Variants in KLHL20 observed in about 807,000 individuals in gnomAD.
KLHL20 encodes the protein kelch like family member 20.
A neutral mutation model predicts 69.5 loss-of-function variants in KLHL20; 29 were observed. That is an observed-to-expected ratio of 0.42 (90% CI 0.31 to 0.57). The LOEUF is 0.57. KLHL20 is among the 20% of genes least tolerant of loss of function. KLHL20 has a pLI of 0.18. For missense variants in KLHL20, 419 were observed against 776.0 expected (o/e 0.54, Z 5.47); for synonymous variants, 253 against 265.2 (o/e 0.95, Z 0.45).
chr1:173,749,277 G>C (rs931940790), intron 3 of KLHL20, among the ~76,000 whole-genome samples: 1 of 152,132 alleles, frequency 6.6e-6, no homozygotes, highest in Non-Finnish European at 1.5e-5. Flanking sequence ...CCATATACTT[G>C]TTAGAACAAT....
chr1:173,715,738 TTGAAGA>T (rs1671437740), intron 1 of KLHL20: 1 of 355,374 alleles, frequency 2.8e-6, no homozygotes, highest in Non-Finnish European at 5.1e-6. Context: ...CAAGCACTTT[TTGAAGA>T]GAAACAAGAC....
intron 11 of KLHL20, among the ~76,000 whole-genome samples, chr1:173,783,090 A>G (rs149948192): frequency 1.1e-4 from 16 of 152,330 alleles, no homozygotes; most frequent in African/African-American, 3.8e-4. Context: ...TAACAATACT[A>G]TGGGTTTGAT....
At chr1:173,718,712 C>A (rs1671577572) in intron 2 of KLHL20, among the ~76,000 whole-genome samples, 1 of 151,958 alleles carries the variant, frequency 6.6e-6, no homozygotes, top group African/African-American at 2.4e-5. Context: ...CAGAGAGAGA[C>A]CCCATCTCTT....
intron 11 of KLHL20, 88 bp from the exon 12 acceptor site, chr1:173,785,075 G>A: frequency 1.0e-6 from 1 of 984,822 alleles, no homozygotes; most frequent in South Asian, 1.5e-5. Context: ...ATAGAAACGT[G>A]TTAATAACAT....
chr1:173,760,624 C>T (rs1284469041), intron 7 of KLHL20, among the ~76,000 whole-genome samples: 3 of 152,162 alleles, frequency 2.0e-5, no homozygotes, highest in African/African-American at 7.2e-5. Context: ...AACTAAGCAT[C>T]GTATGTGAAC....
chr1:173,750,488 CTTT>C (rs61411580), intron 3 of KLHL20, among the ~76,000 whole-genome samples: 6 of 139,952 alleles, frequency 4.3e-5, no homozygotes, highest in Admixed American at 7.1e-5. Flanking sequence ...TTTTCTTTTT[CTTT>C]TTTTTTTTTT....
At chr1:173,742,667 G>A (rs904072117) in intron 3 of KLHL20, among the ~76,000 whole-genome samples, 2 of 150,028 alleles carry the variant, frequency 1.3e-5, no homozygotes, top group African/African-American at 4.9e-5. Flanking sequence ...ACACGTATGT[G>A]TATATATATG....
At chr1:173,718,867 G>T (rs575923734) in intron 2 of KLHL20, among the ~76,000 whole-genome samples, 1 of 152,298 alleles carries the variant, frequency 6.6e-6, no homozygotes, top group Non-Finnish European at 1.5e-5. Flanking sequence ...CACTTTGGGA[G>T]GCCGAGGCAG....
intron 10 of KLHL20, among the ~76,000 whole-genome samples, chr1:173,777,677 T>G (rs1648563215): frequency 6.6e-6 from 1 of 152,244 alleles, no homozygotes; most frequent in Non-Finnish European, 1.5e-5. Context: ...ATTATTTGGT[T>G]TTTGTCCTTC....
chr1:173,770,788 TAAAG>T (rs1459619374), intron 8 of KLHL20, among the ~76,000 whole-genome samples: 1 of 151,438 alleles, frequency 6.6e-6, no homozygotes, highest in South Asian at 2.1e-4. Context: ...TAGCAGTCCT[TAAAG>T]AAGAAAACCA....
At chr1:173,755,161 C>T (rs931014000) in intron 5 of KLHL20, among the ~76,000 whole-genome samples, 2 of 151,842 alleles carry the variant, frequency 1.3e-5, no homozygotes, top group Non-Finnish European at 2.9e-5. Context: ...CAAGTTCAAC[C>T]GATTCTCCTG....
Position 173,733,958 on chromosome 1 carries a change from G to T in KLHL20, c.269G>T (p.Ser90Ile). 6.2e-7 allele frequency: 1 copy of T among 1,614,216 alleles called. No individual in the cohort carries two copies. The change falls in exon 3 of 12, where the codon AGT becomes ATT. Residue 90 changes from serine to isoleucine, a missense_variant. Physicochemically the swap from Ser to Ile is moderately radical, Grantham distance 142 (BLOSUM62 -2). This residue lies in a region of KLHL20 where 129 missense variants were observed against 183.6 expected (regional missense o/e 0.70). Coordinates refer to ENST00000209884, the MANE Select transcript of KLHL20 (RefSeq NM_014458.4). The part of the protein sequence containing the change: ...YAHRVILSAC[S>I]PYFRAMFTGE... ...CATCGAGTCATTTTGTCAGCCTGTA[G>T]TCCCTACTTCCGAGCTATGTTTACA...
intron 2 of KLHL20, among the ~76,000 whole-genome samples, chr1:173,722,192 C>T (rs1016313523): frequency 1.3e-5 from 2 of 152,148 alleles, no homozygotes; most frequent in South Asian, 4.1e-4. Context: ...CTCAAACGAT[C>T]CTCCTGCCTC....
chr1:173,734,529 T>A (rs541786067), intron 3 of KLHL20: 8,615 of 473,726 alleles, frequency 0.018, 103 homozygotes, highest in Middle Eastern at 0.045. Context: ...TAAAAAAAAA[T>A]TTTTAAAAAG....
chr1:173,736,657 A>G (rs903258066), intron 3 of KLHL20, among the ~76,000 whole-genome samples: 1 of 150,924 alleles, frequency 6.6e-6, no homozygotes, highest in Admixed American at 6.6e-5. Context: ...GTGCAGTGGC[A>G]TGATCTCGGC....
Position 173,717,111 on chromosome 1 carries a change from T to A in KLHL20, c.23+1045T>A, listed in dbSNP as rs114508271. Among the ~76,000 whole-genome samples, 990 of 152,262 alleles carry A rather than the reference T, an allele frequency of 6.5e-3. 1 individual carries two copies. The highest frequency in any genetic ancestry group is 0.02 in the Middle Eastern group (6 of 294). On this transcript the variant is annotated intron_variant, in intron 2 of 11. Transcript: ENST00000209884. Reference sequence around the variant, plus strand: ...TTTTACCACAATGTACATGAAAAAATTAACAACATAATATTAAATACTTCA... The same window carrying A: ...TTTTACCACAATGTACATGAAAAAAATAACAACATAATATTAAATACTTCA...
At chr1:173,762,690 T>C (rs1291472390) in intron 7 of KLHL20, among the ~76,000 whole-genome samples, 3 of 152,214 alleles carry the variant, frequency 2.0e-5, no homozygotes. Context: ...CATCACTTTA[T>C]GATTAAAACT....
At chr1:173,765,980 A>C (rs1039869688) in intron 7 of KLHL20, among the ~76,000 whole-genome samples, 166 bp from the exon 8 acceptor site, 1 of 152,192 alleles carries the variant, frequency 6.6e-6, no homozygotes, top group Non-Finnish European at 1.5e-5. Context: ...ATAAATTTCA[A>C]AAAATAAAAA....
In KLHL20 at chr1:173,785,578, A is replaced by G. The variant is rs190161480; in HGVS notation, c.*331A>G. ...TTTGTAAGGTATTCATTTAGGTTTG[A>G]AAATACTATTTAATAAGGGCAGAAG... On this transcript the variant is annotated 3_prime_UTR_variant, in exon 12 of 12. Coordinates refer to ENST00000209884, the MANE Select transcript of KLHL20 (RefSeq NM_014458.4). 51 of 167,182 alleles carry G rather than the reference A, an allele frequency of 3.1e-4. No individual in the cohort carries two copies. The highest frequency in any genetic ancestry group is 4.5e-4 in the Admixed American group (7 of 15,570). The allele number at this position is 167,182 out of a possible 1,614,324, so 10.4% of individuals were successfully genotyped here.
Sources: gnomAD v4.1 joint callset for allele counts (sites outside exome capture counted in the v4.1 genomes callset) on GRCh38, gnomAD v4.1.1 for gene constraint, gnomAD v4.1.1 regional missense constraint, MANE v1.5 for transcripts, NCBI Gene and HGNC (gene_info 2026-07-23, HGNC 2026-07-21) for gene names.